Variants in TMEM132B observed in about 807,000 individuals in gnomAD.
The protein encoded by TMEM132B is transmembrane protein 132B.
TMEM132B carries 18 observed loss-of-function variants against 90.8 expected under a neutral mutation model. That is an observed-to-expected ratio of 0.20 (90% CI 0.14 to 0.29). The LOEUF (loss-of-function observed/expected upper bound fraction) is 0.29, where lower values mean the gene tolerates loss of function less well. TMEM132B is among the 10% of genes least tolerant of loss of function. The pLI is 1.00. For synonymous variants in TMEM132B, 504 were observed against 523.3 expected, an observed-to-expected ratio of 0.96 and a Z score of 0.50; for missense variants, 1,096 against 1,326.8, an observed-to-expected ratio of 0.83 and a Z score of 2.70.
At chr12:125,374,064 G>A (rs190523187) in intron 2 of TMEM132B, among the ~76,000 whole-genome samples, 1 of 152,310 alleles carries the variant, frequency 6.6e-6, no homozygotes, top group East Asian at 1.9e-4. Context: ...CAAAGTTCTG[G>A]GATTACAGGT....
intron 3 of TMEM132B, among the ~76,000 whole-genome samples, chr12:125,504,349 A>G (rs1273457279): frequency 6.6e-6 from 1 of 152,052 alleles, no homozygotes; most frequent in African/African-American, 2.4e-5. Flanking sequence ...TAATATCTCA[A>G]GGTGTTTGTC....
At chr12:125,575,564 C>G (rs1002883634) in intron 4 of TMEM132B, among the ~76,000 whole-genome samples, 2 of 151,710 alleles carry the variant, frequency 1.3e-5, no homozygotes, top group Non-Finnish European at 2.9e-5. Context: ...TTTTTAATTT[C>G]TATAAAGTAC....
At chr12:125,241,732 AG>A (rs1315149338) in intron 1 of TMEM132B, among the ~76,000 whole-genome samples, 1 of 152,204 alleles carries the variant, frequency 6.6e-6, no homozygotes, top group African/African-American at 2.4e-5. Flanking sequence ...TGCTGCTAGA[AG>A]CCGTCCAGTC....
intron 3 of TMEM132B, among the ~76,000 whole-genome samples, chr12:125,474,301 TC>T: frequency 7.9e-6 from 1 of 126,010 alleles, no homozygotes. Context: ...CCTTCCCTCT[TC>T]CCTTTCCTTT....
intron 1 of TMEM132B, among the ~76,000 whole-genome samples, chr12:125,346,647 C>T (rs1307889501): frequency 1.3e-5 from 2 of 152,188 alleles, no homozygotes; most frequent in African/African-American, 4.8e-5. Flanking sequence ...CAGATTGCCC[C>T]TTGGTGGCGG....
At chr12:125,326,638 ATC>A in intron 1 of TMEM132B, 1 of 1,607,952 alleles carries the variant, frequency 6.2e-7, no homozygotes, top group Non-Finnish European at 8.5e-7. Context: ...TTGGTGCAGC[ATC>A]CAGAATGGAC....
chr12:125,361,334 G>T (rs969324780), intron 2 of TMEM132B, among the ~76,000 whole-genome samples: 16 of 152,128 alleles, frequency 1.1e-4, no homozygotes, highest in African/African-American at 3.9e-4. Flanking sequence ...GCCAGAAAGT[G>T]ACAGAACCAG....
At chr12:125,588,234 C>G (rs1248844041) in intron 5 of TMEM132B, 1 of 152,188 alleles carries the variant, frequency 6.6e-6, no homozygotes, top group African/African-American at 2.4e-5. Context: ...GTTTCCTTAT[C>G]TATAAAATGG....
rs1490632372 is a variant in TMEM132B, at chr12:125,244,561, A to C, written c.67+57695A>C. On this transcript the variant is annotated intron_variant, in intron 1 of 8. Transcript: ENST00000682704. Reference sequence around the variant, plus strand: ...TCAACACCTCCTCTCGGCCACTGTCACTGGTATACACCCAAGGGAACTGAA... The same window carrying C: ...TCAACACCTCCTCTCGGCCACTGTCCCTGGTATACACCCAAGGGAACTGAA... 2.6e-5 allele frequency among the ~76,000 whole-genome samples: 4 copies of C among 152,196 alleles called. No homozygotes were observed. The East Asian group carries it at 7.7e-4, about 29-fold the overall frequency.
intron 3 of TMEM132B, among the ~76,000 whole-genome samples, chr12:125,480,366 A>T (rs1337320216): frequency 6.6e-6 from 1 of 152,118 alleles, no homozygotes; most frequent in African/African-American, 2.4e-5. Flanking sequence ...CACTAGCAAG[A>T]CTAATAAAGA....
At chr12:125,230,680 T>C (rs1284589406) in intron 1 of TMEM132B, among the ~76,000 whole-genome samples, 1 of 150,836 alleles carries the variant, frequency 6.6e-6, no homozygotes, top group Non-Finnish European at 1.5e-5. Context: ...ATTTTTTTTT[T>C]TTTTCAGTAG....
At chr12:125,269,669 A>G (rs1874778546) in intron 1 of TMEM132B, among the ~76,000 whole-genome samples, 1 of 152,188 alleles carries the variant, frequency 6.6e-6, no homozygotes, top group Non-Finnish European at 1.5e-5. Flanking sequence ...TCCAGCACGG[A>G]GCATGACTGA....
At chr12:125,517,031 C>A (rs1883177352) in intron 3 of TMEM132B, among the ~76,000 whole-genome samples, 2 of 152,190 alleles carry the variant, frequency 1.3e-5, no homozygotes, top group Non-Finnish European at 2.9e-5. Context: ...AGCCCTTCAT[C>A]TATTTCTTTG....
intron 3 of TMEM132B, among the ~76,000 whole-genome samples, chr12:125,461,738 T>G (rs1396634437): frequency 2.0e-5 from 3 of 152,224 alleles, no homozygotes; most frequent in Admixed American, 6.5e-5. Context: ...TGTTTTCTTC[T>G]CTCATGAACC....
intron 5 of TMEM132B, among the ~76,000 whole-genome samples, chr12:125,635,362 A>G (rs141580358): frequency 0.017 from 2,626 of 151,636 alleles, 69 homozygotes; most frequent in African/African-American, 0.057. Context: ...TCATTGTTCA[A>G]CTCCCACTTA....
At chr12:125,597,087 A>G (rs547758589) in intron 5 of TMEM132B, among the ~76,000 whole-genome samples, 18 of 152,342 alleles carry the variant, frequency 1.2e-4, no homozygotes. Flanking sequence ...ATGGAGTGAA[A>G]GAATTTTGGT....
intron 4 of TMEM132B, among the ~76,000 whole-genome samples, chr12:125,541,154 G>T (rs1232718366): frequency 6.6e-6 from 1 of 152,300 alleles, no homozygotes; most frequent in East Asian, 1.9e-4. Context: ...CTTTTATGCT[G>T]CTTCAGTTTT....
chr12:125,274,372 A>C (rs1874931705), intron 1 of TMEM132B, among the ~76,000 whole-genome samples: 1 of 152,232 alleles, frequency 6.6e-6, no homozygotes, highest in Non-Finnish European at 1.5e-5. Context: ...CAACACAGAC[A>C]GGCCTGAATC....
chr12:125,210,431 G>A (rs1165086628), intron 1 of TMEM132B, among the ~76,000 whole-genome samples: 2 of 152,202 alleles, frequency 1.3e-5, no homozygotes, highest in Non-Finnish European at 2.9e-5. Context: ...CCATGGCAGG[G>A]CTTTGAACTT....
Sources: allele counts gnomAD v4.1 joint callset (sites outside exome capture counted in the v4.1 genomes callset), GRCh38; gene constraint gnomAD v4.1.1; transcripts MANE v1.5; gene names NCBI Gene and HGNC (gene_info 2026-07-23, HGNC 2026-07-21).